Variants in PTPRT observed in about 807,000 individuals in gnomAD.
PTPRT encodes protein tyrosine phosphatase receptor type T, also known as receptor-type tyrosine-protein phosphatase T.
In PTPRT, 56 loss-of-function variants were observed where a neutral mutation model predicts 176.8. The ratio of observed to expected loss-of-function variants is 0.32; its 90% CI spans 0.26 to 0.40. The LOEUF is 0.40. Ranked by LOEUF, PTPRT falls within the 10% of genes least tolerant of loss-of-function variation. The probability of loss-of-function intolerance (pLI) is 1.00; values close to 1 mark genes in which losing one functional copy is unlikely to be tolerated. For missense variants in PTPRT, 1,540 were observed against 1,908.2 expected, an observed-to-expected ratio of 0.81 and a Z score of 3.60; for synonymous variants, 783 against 739.0, an observed-to-expected ratio of 1.06 and a Z score of -0.96.
At chr20:42,999,017 C>A (rs1600635934) in intron 1 of PTPRT, among the ~76,000 whole-genome samples, 1 of 152,162 alleles carries the variant, frequency 6.6e-6, no homozygotes, top group East Asian at 1.9e-4. Flanking sequence ...AAGTTTATAC[C>A]TGAATACATT....
intron 2 of PTPRT, among the ~76,000 whole-genome samples, chr20:42,823,949 A>C (rs933824069): frequency 6.6e-6 from 1 of 152,098 alleles, no homozygotes; most frequent in Non-Finnish European, 1.5e-5. Flanking sequence ...TTAAAAAACA[A>C]ATAGATAAAA....
chr20:42,962,395 A>G (rs1295039591), intron 1 of PTPRT, among the ~76,000 whole-genome samples: 1 of 152,226 alleles, frequency 6.6e-6, no homozygotes, highest in Non-Finnish European at 1.5e-5. Context: ...GGAGTAAATT[A>G]GAAATATGAA....
chr20:42,109,150 GATAA>G (rs145434745), intron 23 of PTPRT, among the ~76,000 whole-genome samples: 1 of 152,066 alleles, frequency 6.6e-6, no homozygotes, highest in Non-Finnish European at 1.5e-5. Context: ...TTGCTGGGAA[GATAA>G]ATAAATGGAT....
At chr20:42,221,984 C>T (rs2055897753) in intron 15 of PTPRT, among the ~76,000 whole-genome samples, 1 of 152,180 alleles carries the variant, frequency 6.6e-6, no homozygotes, top group Admixed American at 6.5e-5. Flanking sequence ...GACACAGAGC[C>T]AAACCACATC....
chr20:43,154,220 T>C (rs2146427256), intron 1 of PTPRT, among the ~76,000 whole-genome samples: 1 of 152,358 alleles, frequency 6.6e-6, no homozygotes, highest in East Asian at 1.9e-4. Flanking sequence ...AAGGATCTAA[T>C]TTCATTCTTC....
At chr20:42,355,117 T>C (rs2058340831) in intron 9 of PTPRT, among the ~76,000 whole-genome samples, 1 of 152,088 alleles carries the variant, frequency 6.6e-6, no homozygotes, top group African/African-American at 2.4e-5. Context: ...CATGGGTGCT[T>C]GCTGGGAATG....
chr20:42,684,640 T>C (rs990611055), intron 6 of PTPRT, among the ~76,000 whole-genome samples: 2 of 152,186 alleles, frequency 1.3e-5, no homozygotes, highest in African/African-American at 4.8e-5. Context: ...CCCAAAGGCC[T>C]GAGTTTGCAG....
At chr20:42,281,228 C>T (rs2057134319) in intron 13 of PTPRT, among the ~76,000 whole-genome samples, 1 of 152,096 alleles carries the variant, frequency 6.6e-6, no homozygotes, top group Non-Finnish European at 1.5e-5. Flanking sequence ...TGTTTGCAGG[C>T]CATCAATTCT....
At chr20:42,533,163 G>T (rs923578572) in intron 7 of PTPRT, among the ~76,000 whole-genome samples, 4 of 152,144 alleles carry the variant, frequency 2.6e-5, no homozygotes, top group African/African-American at 7.2e-5. Context: ...AGTAAACAGC[G>T]GGCAGCATTG....
rs778967079 is a variant in PTPRT at position 42,106,803 on chromosome 20, T to A, written c.3373A>T (p.Asn1125Tyr). The A allele has an allele frequency of 6.8e-6, 11 of 1,614,056 alleles. No homozygotes were observed. Among genetic ancestry groups the A allele is most frequent in the Non-Finnish European group, 9.3e-6 (11 of 1,180,018 alleles). The change falls in exon 24 of 31, where the codon AAC becomes TAC. Residue 1125 changes from asparagine (N) to tyrosine (Y), a missense_variant. Asn to Tyr is a moderately radical substitution (Grantham distance 143). Coordinates refer to ENST00000373187, the MANE Select transcript of PTPRT (RefSeq NM_007050.6). ...GGACTCACCTCTGTCTGTACCAGGTTGACCCTTTGGGCCCGGAGCTCACGC... is the reference window on the plus strand; with the variant it reads ...GGACTCACCTCTGTCTGTACCAGGTAGACCCTTTGGGCCCGGAGCTCACGC... ...CVRELRAQRVNLVQTEEQYVF... is the reference protein window; with the variant it reads ...CVRELRAQRVYLVQTEEQYVF...
chr20:42,622,712 C>A (rs2074221255), intron 7 of PTPRT, among the ~76,000 whole-genome samples: 1 of 152,116 alleles, frequency 6.6e-6, no homozygotes, highest in Admixed American at 6.5e-5. Flanking sequence ...AGATTAGAAA[C>A]AGAAAAGTTC....
At chr20:42,644,418 G>T (rs937896953) in intron 7 of PTPRT, among the ~76,000 whole-genome samples, 9 of 152,132 alleles carry the variant, frequency 5.9e-5, no homozygotes, top group African/African-American at 2.2e-4. Context: ...CTTGGGCACT[G>T]ATCTTCATGT....
intron 7 of PTPRT, among the ~76,000 whole-genome samples, chr20:42,614,927 T>C (rs913957018): frequency 6.8e-6 from 1 of 146,072 alleles, no homozygotes; most frequent in Non-Finnish European, 1.5e-5. Flanking sequence ...GTTTTCTTTT[T>C]TTTTTTTCTA....
rs144101256 is a variant in PTPRT, at chr20:42,585,861, C to T, written c.1153+92005G>A. On this transcript the variant is annotated intron_variant, in intron 7 of 30. Transcript: ENST00000373187. The stretch of plus-strand genomic sequence containing the variant: ...CCCAATTAATTGTCAAGTGCTCCAA[C>T]ACAGTTTATTGTAACAATATGTAAC... Among the ~76,000 whole-genome samples, 46 of 152,182 alleles carry T rather than the reference C, an allele frequency of 3.0e-4. No individual in the cohort carries two copies. The East Asian group carries it at 8.1e-3, about 27-fold the overall frequency.
chr20:42,778,621 A>C (rs746021747), intron 4 of PTPRT, among the ~76,000 whole-genome samples: 10 of 152,172 alleles, frequency 6.6e-5, no homozygotes, highest in Non-Finnish European at 1.0e-4. Context: ...TGCAAGATTG[A>C]GCGCATGCAA....
intron 1 of PTPRT, among the ~76,000 whole-genome samples, chr20:43,090,321 G>T (rs1478022348): frequency 6.7e-6 from 1 of 150,370 alleles, no homozygotes; most frequent in Non-Finnish European, 1.5e-5. Flanking sequence ...AGGCTGGAGT[G>T]CAGTGGCGCC....
chr20:43,189,767 C>T lies in PTPRT; in HGVS notation c.-34G>A, dbSNP rs1216478546. ...CGGCGGGCAGCTCAGCCCCTTCCCG[C>T]GGGGGCCGGGGCCGGGACTGGGGCG... On this transcript the variant is annotated 5_prime_UTR_variant, in exon 1 of 31. Coordinates refer to ENST00000373187, the MANE Select transcript of PTPRT (RefSeq NM_007050.6). The surrounding 1 kb of genome is among the most constrained non-coding windows in gnomAD (Gnocchi z 5.0). 19 of 1,117,224 alleles carry T rather than the reference C, an allele frequency of 1.7e-5. No individual in the cohort carries two copies. Among genetic ancestry groups the T allele is most frequent in the Non-Finnish European group, 2.0e-5 (18 of 912,664 alleles). The allele number at this position is 1,117,224 out of a possible 1,614,324, so 69.2% of individuals were successfully genotyped here.
intron 11 of PTPRT, among the ~76,000 whole-genome samples, chr20:42,345,493 C>CAT (rs2058177127): frequency 2.7e-5 from 4 of 145,950 alleles, no homozygotes; most frequent in South Asian, 4.4e-4. Context: ...TAGATATACA[C>CAT]ATATATATAA....
chr20:42,774,764 G>C (rs2077110227), intron 4 of PTPRT, among the ~76,000 whole-genome samples: 1 of 152,212 alleles, frequency 6.6e-6, no homozygotes, highest in African/African-American at 2.4e-5. Context: ...CACAGGAGCT[G>C]ATCTAGGCTA....
Sources: allele counts gnomAD v4.1 joint callset (sites outside exome capture counted in the v4.1 genomes callset), GRCh38; gene constraint gnomAD v4.1.1; non-coding constraint Gnocchi (gnomAD v3.1); transcripts MANE v1.5; gene names NCBI Gene and HGNC (gene_info 2026-07-23, HGNC 2026-07-21).